PCDHB5: variants seen among roughly 807,000 people sequenced by gnomAD.
PCDHB5 encodes protocadherin beta-5.
For missense variants in PCDHB5, 1,125 were observed against 1,029.4 expected (o/e 1.09, Z -1.27); for synonymous variants, 569 against 462.2 (o/e 1.23, Z -2.96).
rs1338310437 is a variant in PCDHB5, at chr5:141,136,436, A to G, written c.1002A>G (p.Ile334Met). ...GGLSGKCTVA[I>M]EVVDVNDNAP... ...TTTCAGGAAAATGCACTGTGGCTAT[A>G]GAAGTGGTGGATGTGAATGACAACG... is the stretch of plus-strand genomic sequence containing the variant. The change falls in exon 1 of 1, where the codon ATA (isoleucine) becomes ATG (methionine). Residue 334 changes from isoleucine (I) to methionine (M), a missense_variant. Coordinates refer to ENST00000231134, the MANE Select transcript of PCDHB5 (RefSeq NM_015669.5). The G allele has an allele frequency of 2.5e-6, 4 of 1,613,970 alleles. No individual in the cohort carries two copies. Among genetic ancestry groups the G allele is most frequent in the East Asian group, 2.2e-5 (1 of 44,880 alleles).
In PCDHB5 at chr5:141,137,481, G is replaced by C. The variant is rs782267777; in HGVS notation, c.2047G>C (p.Asp683His). 1.2e-6 allele frequency: 2 copies of C among 1,612,602 alleles called. No individual in the cohort carries two copies. Among genetic ancestry groups the C allele is most frequent in the Non-Finnish European group, 1.7e-6 (2 of 1,179,756 alleles). Residue 683 changes from aspartate (D) to histidine (H), a missense_variant, in exon 1 of 1, where the codon GAC (aspartate) becomes CAC (histidine). By Grantham distance (81) the Asp-to-His change is moderately conservative. Transcript: ENST00000231134. The stretch of plus-strand genomic sequence containing the variant: ...GGCGGCCCCGGCCCAGGCCCAGGCC[G>C]ACTCGCTCACTGTCTACCTGGTGGT... ...PEAAPAQAQA[D>H]SLTVYLVVAL...
At position 141,136,287 on chromosome 5, in the gene PCDHB5, G is replaced by A. The variant is rs150168221; in HGVS notation, c.853G>A (p.Asp285Asn). ...TGTAGCCTATGCTCTATTCCAAGGC[G>A]ATGAAGTTACTCAACCATTTGTAAT... ...GSVAYALFQG[D>N]EVTQPFVIDE... Residue 285 changes from aspartate to asparagine, a missense_variant, in exon 1 of 1, where the codon GAT (aspartate) becomes AAT (asparagine). Coordinates refer to ENST00000231134, the MANE Select transcript of PCDHB5 (RefSeq NM_015669.5). 9 of 1,614,184 alleles carry A rather than the reference G, an allele frequency of 5.6e-6. No homozygotes were observed. Among genetic ancestry groups the A allele is most frequent in the Non-Finnish European group, 7.6e-6 (9 of 1,180,028 alleles).
Position 141,135,458 on chromosome 5 carries a change from G to C in PCDHB5, c.24G>C (p.Thr8=). The C allele has an allele frequency of 6.2e-7, 1 of 1,611,188 alleles. No individual in the cohort carries two copies. Residue 8 remains threonine, a synonymous_variant, in exon 1 of 1, where the codon ACG becomes ACC. Coordinates refer to ENST00000231134, the MANE Select transcript of PCDHB5 (RefSeq NM_015669.5). ...CAATGGAGACTGCGCTAGCAAAAAC[G>C]CCACAGAAAAGGCAAGTTATGTTTC... The part of the protein sequence containing the change: METALAK[T]PQKRQVMFLA...
Position 141,136,368 on chromosome 5 carries a change from C to T in PCDHB5, c.934C>T (p.Pro312Ser), listed in dbSNP as rs368508473. ...LKRALDFEAT[P>S]YYNVEIVATD... ...AAGGGCATTGGATTTCGAGGCAACT[C>T]CATATTATAACGTGGAAATTGTAGC... The change falls in exon 1 of 1, where the codon CCA becomes TCA. Residue 312 changes from proline (P) to serine (S), a missense_variant. Pro to Ser is a moderately conservative substitution (Grantham distance 74). Coordinates refer to ENST00000231134, the MANE Select transcript of PCDHB5 (RefSeq NM_015669.5). 8 of 1,613,954 alleles carry T rather than the reference C, an allele frequency of 5.0e-6. No individual in the cohort carries two copies. The African/African-American group carries it at 1.1e-4, about 22-fold the overall frequency.
Position 141,136,606 on chromosome 5 carries a change from T to G in PCDHB5, c.1172T>G (p.Leu391Arg), listed in dbSNP as rs782699426. ...ICSIQNDLPF[L>R]LKPTLKNFYT... ...TCCATCCAGAATGATCTCCCCTTTC[T>G]TTTGAAGCCCACATTAAAAAACTTT... Residue 391 changes from leucine (L) to arginine (R), a missense_variant, in exon 1 of 1, where the codon CTT (leucine) becomes CGT (arginine). Leu to Arg is a moderately radical substitution (Grantham distance 102). Transcript: ENST00000231134. 1.7e-5 allele frequency: 27 copies of G among 1,614,018 alleles called. No individual in the cohort carries two copies. Among genetic ancestry groups the G allele is most frequent in the Non-Finnish European group, 2.2e-5 (26 of 1,180,040 alleles).
chr5:141,135,632 G>GC lies in PCDHB5; in HGVS notation c.199dup (p.His67ProfsTer12), dbSNP rs782263302. ...AACTGGCCACTCGGGGCGCGCGAAT[G>GC]CATTACAAAGGAAACAAAGAGCTCT... On this transcript the variant is annotated frameshift_variant, in exon 1 of 1. Transcript: ENST00000231134. LOFTEE classifies it low-confidence loss of function (END_TRUNC). The GC allele has an allele frequency of 3.1e-6, 5 of 1,614,116 alleles. No individual in the cohort carries two copies. Among genetic ancestry groups the GC allele is most frequent in the Non-Finnish European group, 4.2e-6 (5 of 1,180,040 alleles).
rs781977327 is a variant in PCDHB5, at chr5:141,136,220, C to T, written c.786C>T (p.Val262=). ...PENSPLNSLV[V]VVSARDLDAG... Reference sequence around the variant, plus strand: ...ACAGCCCCCTTAACTCCTTAGTTGTCGTTGTCTCCGCTCGAGATTTAGATG... The same window carrying T: ...ACAGCCCCCTTAACTCCTTAGTTGTTGTTGTCTCCGCTCGAGATTTAGATG... Residue 262 remains valine (V), a synonymous_variant, in exon 1 of 1, where the codon GTC becomes GTT. Coordinates refer to ENST00000231134, the MANE Select transcript of PCDHB5 (RefSeq NM_015669.5). 1.2e-6 allele frequency: 2 copies of T among 1,613,934 alleles called. No homozygotes were observed. Among genetic ancestry groups the T allele is most frequent in the East Asian group, 2.2e-5 (1 of 44,878 alleles).
Position 141,137,310 on chromosome 5 carries a change from G to T in PCDHB5, c.1876G>T (p.Ala626Ser). Residue 626 changes from alanine (A) to serine (S), a missense_variant, in exon 1 of 1, where the codon GCC becomes TCC. Coordinates refer to ENST00000231134, the MANE Select transcript of PCDHB5 (RefSeq NM_015669.5). Reference sequence around the variant, plus strand: ...GGCGCACAATGGCGAGGTGCGCACCGCCAGGCTGCTGAGCGAGCGCGACGC... The same window carrying T: ...GGCGCACAATGGCGAGGTGCGCACCTCCAGGCTGCTGAGCGAGCGCGACGC... ...MWAHNGEVRT[A>S]RLLSERDAAK... 1 of 1,610,060 alleles carries T rather than the reference G, an allele frequency of 6.2e-7. No individual in the cohort carries two copies. The highest frequency in any genetic ancestry group is 8.5e-7 in the Non-Finnish European group (1 of 1,179,602).
rs144532828 is a variant in PCDHB5, at chr5:141,137,561, A to G, written c.2127A>G (p.Ala709=). ...LFLFSVLLFV[A]VRLCRRSRAA... Reference sequence around the variant, plus strand: ...TCTTTTCGGTGCTCCTGTTCGTGGCAGTGCGGCTGTGCAGGAGGAGCAGGG... The same window carrying G: ...TCTTTTCGGTGCTCCTGTTCGTGGCGGTGCGGCTGTGCAGGAGGAGCAGGG... Residue 709 remains alanine (A), a synonymous_variant, in exon 1 of 1, where the codon GCA becomes GCG. Coordinates refer to ENST00000231134, the MANE Select transcript of PCDHB5 (RefSeq NM_015669.5). 3.2e-4 allele frequency: 524 copies of G among 1,612,480 alleles called. 1 individual carries two copies. In the Middle Eastern group the frequency reaches 7.3e-3, roughly 22 times the overall value.
At position 141,137,101 on chromosome 5, in the gene PCDHB5, A is replaced by G. The variant is rs781907401; in HGVS notation, c.1667A>G (p.Asn556Ser). 2.7e-5 allele frequency: 43 copies of G among 1,611,034 alleles called. No homozygotes were observed. The highest frequency in any genetic ancestry group is 3.2e-5 in the Non-Finnish European group (38 of 1,179,564). Residue 556 changes from asparagine (N) to serine (S), a missense_variant, in exon 1 of 1, where the codon AAC becomes AGC. Asn to Ser is a conservative substitution (Grantham distance 46, BLOSUM62 1). Coordinates refer to ENST00000231134, the MANE Select transcript of PCDHB5 (RefSeq NM_015669.5). ...GTGCTGGTGCTGGACGCCAACGACA[A>G]CTCGCCCTTCGTGCTGTATCCGCTG... ...VRVLVLDAND[N>S]SPFVLYPLQN...
rs1752629200 is a variant in PCDHB5 at position 141,137,659 on chromosome 5, G to C, written c.2225G>C (p.Gly742Ala). Reference sequence around the variant, plus strand: ...CATCTGGTGGACGTGAGCGGCACCGGGACCCTATCCCAGAGCTACCACTAC... The same window carrying C: ...CATCTGGTGGACGTGAGCGGCACCGCGACCCTATCCCAGAGCTACCACTAC... Reference protein sequence around the residue: ...PGHLVDVSGTGTLSQSYHYEV... With the variant: ...PGHLVDVSGTATLSQSYHYEV... The change falls in exon 1 of 1, where the codon GGG becomes GCG. Residue 742 changes from glycine to alanine, a missense_variant. Physicochemically the swap from Gly to Ala is moderately conservative, Grantham distance 60. Transcript: ENST00000231134. 2.5e-6 allele frequency: 4 copies of C among 1,614,160 alleles called. No homozygotes were observed. Among genetic ancestry groups the C allele is most frequent in the Middle Eastern group, 3.3e-4 (2 of 6,006 alleles).
chr5:141,135,660 C>A lies in PCDHB5; in HGVS notation c.226C>A (p.Gln76Lys). 6.2e-7 allele frequency: 1 copy of A among 1,614,016 alleles called. No individual in the cohort carries two copies. Among genetic ancestry groups the A allele is most frequent in the Non-Finnish European group, 8.5e-7 (1 of 1,179,992 alleles). ...MHYKGNKELL[Q>K]LDIKTGNLLL... ...TTACAAAGGAAACAAAGAGCTCTTGCAGCTTGATATAAAGACCGGCAATTT... is the reference window on the plus strand; with the variant it reads ...TTACAAAGGAAACAAAGAGCTCTTGAAGCTTGATATAAAGACCGGCAATTT... Residue 76 changes from glutamine to lysine, a missense_variant, in exon 1 of 1, where the codon CAG becomes AAG. Gln to Lys is a moderately conservative substitution (Grantham distance 53). Coordinates refer to ENST00000231134, the MANE Select transcript of PCDHB5 (RefSeq NM_015669.5).
In PCDHB5 at chr5:141,135,879, G is replaced by T; in HGVS notation, c.445G>T (p.Gly149Trp). 1 of 1,614,152 alleles carries T rather than the reference G, an allele frequency of 6.2e-7. No homozygotes were observed. The highest frequency in any genetic ancestry group is 8.5e-7 in the Non-Finnish European group (1 of 1,180,000). The change falls in exon 1 of 1, where the codon GGG (glycine) becomes TGG (tryptophan). Residue 149 changes from glycine to tryptophan, a missense_variant. Coordinates refer to ENST00000231134, the MANE Select transcript of PCDHB5 (RefSeq NM_015669.5). ...AAAAATCCCAGAGAGCACCCAGCCA[G>T]GGACTGTGTTTCCCTTAAAAATAGC... ...LLKIPESTQPGTVFPLKIAQD... is the reference protein window; with the variant it reads ...LLKIPESTQPWTVFPLKIAQD...
rs370686157 is a variant in PCDHB5 at position 141,136,222 on chromosome 5, T to C, written c.788T>C (p.Val263Ala). 1.3e-5 allele frequency: 21 copies of C among 1,614,130 alleles called. No homozygotes were observed. The South Asian group carries it at 2.3e-4, about 18-fold the overall frequency. ...ENSPLNSLVV[V>A]VSARDLDAGA... ...AGCCCCCTTAACTCCTTAGTTGTCG[T>C]TGTCTCCGCTCGAGATTTAGATGCA... The change falls in exon 1 of 1, where the codon GTT (valine) becomes GCT (alanine). Residue 263 changes from valine (V) to alanine (A), a missense_variant. Val to Ala is a moderately conservative substitution (Grantham distance 64). Transcript: ENST00000231134.
In PCDHB5 at chr5:141,136,225, T is replaced by C. The variant is rs1394016428; in HGVS notation, c.791T>C (p.Val264Ala). The part of the protein sequence containing the change: ...NSPLNSLVVV[V>A]SARDLDAGAY... ...CCCCTTAACTCCTTAGTTGTCGTTGTCTCCGCTCGAGATTTAGATGCAGGA... is the reference window on the plus strand; with the variant it reads ...CCCCTTAACTCCTTAGTTGTCGTTGCCTCCGCTCGAGATTTAGATGCAGGA... Residue 264 changes from valine (V) to alanine (A), a missense_variant, in exon 1 of 1, where the codon GTC becomes GCC. Coordinates refer to ENST00000231134, the MANE Select transcript of PCDHB5 (RefSeq NM_015669.5). The C allele has an allele frequency of 1.9e-6, 3 of 1,613,984 alleles. No homozygotes were observed. The highest frequency in any genetic ancestry group is 1.7e-6 in the Non-Finnish European group (2 of 1,180,008).
At position 141,135,509 on chromosome 5, in the gene PCDHB5, G is replaced by A. The variant is rs1752546500; in HGVS notation, c.75G>A (p.Glu25=). The A allele has an allele frequency of 6.2e-7, 1 of 1,613,900 alleles. No homozygotes were observed. ...TTGCTATATTGTTGCTTTTGTGGGAGGCTGGCTCTGAGGCAGTTAGGTATT... is the reference window on the plus strand; with the variant it reads ...TTGCTATATTGTTGCTTTTGTGGGAAGCTGGCTCTGAGGCAGTTAGGTATT... ...MFLAILLLLW[E]AGSEAVRYSI... Residue 25 remains glutamate (E), a synonymous_variant, in exon 1 of 1, where the codon GAG becomes GAA. Transcript: ENST00000231134.
rs782450075 is a variant in PCDHB5 at position 141,136,499 on chromosome 5, C to A, written c.1065C>A (p.Thr355=). ...ELTMSTLSSP[T]PENAPETVVA... Reference sequence around the variant, plus strand: ...CCATGTCTACGCTCTCCAGCCCTACCCCAGAAAATGCCCCGGAAACTGTAG... The same window carrying A: ...CCATGTCTACGCTCTCCAGCCCTACACCAGAAAATGCCCCGGAAACTGTAG... The change falls in exon 1 of 1, where the codon ACC becomes ACA. Residue 355 remains threonine (T), a synonymous_variant. Coordinates refer to ENST00000231134, the MANE Select transcript of PCDHB5 (RefSeq NM_015669.5). The A allele has an allele frequency of 6.2e-7, 1 of 1,614,120 alleles. No individual in the cohort carries two copies. The highest frequency in any genetic ancestry group is 2.2e-5 in the East Asian group (1 of 44,876).
In PCDHB5 at chr5:141,136,937, C is replaced by T; in HGVS notation, c.1503C>T (p.Ser501=). ...PPQNPHLRLA[S]LVSINADNGH... ...AGAACCCACACCTGCGCCTCGCCTC[C>T]CTGGTCTCCATCAACGCGGACAACG... Residue 501 remains serine (S), a synonymous_variant, in exon 1 of 1, where the codon TCC becomes TCT. Transcript: ENST00000231134. 6.2e-7 allele frequency: 1 copy of T among 1,612,652 alleles called. No homozygotes were observed. The highest frequency in any genetic ancestry group is 8.5e-7 in the Non-Finnish European group (1 of 1,180,034).
rs1752644337 is a variant in PCDHB5, at chr5:141,138,358, T to C, written c.*536T>C. 1 of 152,318 alleles carries C rather than the reference T, an allele frequency of 6.6e-6. No homozygotes were observed. Among genetic ancestry groups the C allele is most frequent in the Non-Finnish European group, 1.5e-5 (1 of 68,116 alleles). The allele number at this position is 152,318 out of a possible 1,614,324, so 9.4% of individuals were successfully genotyped here. A position where few individuals can be genotyped will look rare whatever the true frequency, so the allele number is the denominator to read the frequency against. The stretch of plus-strand genomic sequence containing the variant: ...CTATTAGCAAACTTTTTAAAAACAG[T>C]TTAATTGAATTATTACTTACATGAA... On this transcript the variant is annotated 3_prime_UTR_variant, in exon 1 of 1. Transcript: ENST00000231134.
Sources: allele counts gnomAD v4.1 joint callset, GRCh38; gene constraint gnomAD v4.1.1; transcripts MANE v1.5; gene names NCBI Gene and HGNC (gene_info 2026-07-23, HGNC 2026-07-21).